Variants in MAPKAP1 observed in about 807,000 individuals in gnomAD.
The protein encoded by MAPKAP1 is MAPK associated protein 1, also known as target of rapamycin complex 2 subunit MAPKAP1.
In MAPKAP1, 20 loss-of-function variants were observed where a neutral mutation model predicts 65.7. That is an observed-to-expected ratio of 0.30 (90% CI 0.21 to 0.44). MAPKAP1 has a LOEUF of 0.44. Among genes scored for constraint, MAPKAP1 ranks in the 20% least tolerant of loss-of-function variants. The probability of loss-of-function intolerance (pLI) is 1.00; values close to 1 mark genes in which losing one functional copy is unlikely to be tolerated. For missense variants in MAPKAP1, 423 were observed against 648.0 expected, an observed-to-expected ratio of 0.65 and a Z score of 3.77; for synonymous variants, 222 against 244.3, an observed-to-expected ratio of 0.91 and a Z score of 0.85.
intron 7 of MAPKAP1, among the ~76,000 whole-genome samples, chr9:125,540,600 G>C (rs969997076): frequency 6.6e-6 from 1 of 152,186 alleles, no homozygotes; most frequent in Non-Finnish European, 1.5e-5. Context: ...GGGGTTTGAC[G>C]ACAGGGATGA....
intron 8 of MAPKAP1, among the ~76,000 whole-genome samples, chr9:125,496,199 A>G (rs958207821): frequency 6.6e-6 from 1 of 152,232 alleles, no homozygotes; most frequent in Non-Finnish European, 1.5e-5. Context: ...CACATTAACC[A>G]GAGAGGAAGA....
chr9:125,468,579 G>T (rs1853772854), intron 9 of MAPKAP1, among the ~76,000 whole-genome samples: 2 of 152,216 alleles, frequency 1.3e-5, no homozygotes, highest in Admixed American at 6.5e-5. Context: ...AGCTACCAAT[G>T]AACAGCTTCT....
rs1269892685 is a variant in MAPKAP1, at chr9:125,447,783, AG to A, written c.1346-3186del. Among the ~76,000 whole-genome samples, 8 of 152,190 alleles carry A rather than the reference AG, an allele frequency of 5.3e-5. No individual in the cohort carries two copies. Among genetic ancestry groups the A allele is most frequent in the African/African-American group, 1.9e-4 (8 of 41,438 alleles). The stretch of plus-strand genomic sequence containing the variant: ...TGGCCAGAGGTGGAGAAGAGCCACT[AG>A]GGACAGTTTCTTGGGAGGAGCTGAC... On this transcript the variant is annotated intron_variant, in intron 10 of 11. Transcript: ENST00000265960. The surrounding 1 kb of genome is among the most constrained non-coding windows in gnomAD (Gnocchi z 4.5).
intron 9 of MAPKAP1, among the ~76,000 whole-genome samples, chr9:125,481,690 G>A (rs1371139696): frequency 1.3e-5 from 2 of 152,054 alleles, no homozygotes; most frequent in African/African-American, 4.8e-5. Flanking sequence ...CCAAAGTGCT[G>A]GGATTACAGA....
At chr9:125,500,485 G>A (rs112135875) in intron 8 of MAPKAP1, among the ~76,000 whole-genome samples, 6 of 152,154 alleles carry the variant, frequency 3.9e-5, no homozygotes, top group Admixed American at 2.0e-4. Context: ...GAGCCATCAC[G>A]CCGGCCCCCA....
intron 6 of MAPKAP1, 41 bp from the exon 7 acceptor site, chr9:125,543,209 TCCA>T: frequency 7.3e-7 from 1 of 1,364,616 alleles, no homozygotes. Context: ...CCAACATTCA[TCCA>T]GAGAGATGTT....
At chr9:125,536,314 C>G (rs1390147209) in intron 7 of MAPKAP1, among the ~76,000 whole-genome samples, 1 of 152,142 alleles carries the variant, frequency 6.6e-6, no homozygotes, top group East Asian at 1.9e-4. Context: ...GATAAAGAGG[C>G]AGAGAAAGGA....
intron 4 of MAPKAP1, among the ~76,000 whole-genome samples, chr9:125,613,784 C>T (rs569342905): frequency 7.2e-5 from 11 of 151,874 alleles, no homozygotes; most frequent in Non-Finnish European, 1.3e-4. Context: ...TTTAACCTTA[C>T]TGAAAAAGAG....
intron 5 of MAPKAP1, among the ~76,000 whole-genome samples, chr9:125,566,480 C>T (rs1229604949): frequency 6.6e-6 from 1 of 152,058 alleles, no homozygotes; most frequent in African/African-American, 2.4e-5. Context: ...GCGAGGATAG[C>T]TTGAGCCTGG....
Position 125,599,259 on chromosome 9 carries a change from CTT to C in MAPKAP1, c.499-13534_499-13533del, listed in dbSNP as rs1832232814. On this transcript the variant is annotated intron_variant, in intron 4 of 11. Coordinates refer to ENST00000265960, the MANE Select transcript of MAPKAP1 (RefSeq NM_001006617.3). ...AACAAATGATTGTCTTACAACCTCT[CTT>C]GAACACCTTCACTGATGATGTCCCT... Among the ~76,000 whole-genome samples, 2 of 152,176 alleles carry C rather than the reference CTT, an allele frequency of 1.3e-5. 1 individual carries two copies. Among genetic ancestry groups the C allele is most frequent in the South Asian group, 4.1e-4 (2 of 4,834 alleles).
chr9:125,700,751 T>C (rs1835570817), intron 1 of MAPKAP1, among the ~76,000 whole-genome samples: 1 of 152,218 alleles, frequency 6.6e-6, no homozygotes, highest in Non-Finnish European at 1.5e-5. Context: ...CCTTATACAA[T>C]AGAGTATGAA....
chr9:125,658,411 T>C (rs1020710144), intron 3 of MAPKAP1, among the ~76,000 whole-genome samples: 6 of 152,240 alleles, frequency 3.9e-5, no homozygotes, highest in Non-Finnish European at 8.8e-5. Context: ...CTAACATTTA[T>C]TTAGCAAGTC....
At chr9:125,557,914 T>C (rs1289743254) in intron 6 of MAPKAP1, among the ~76,000 whole-genome samples, 2 of 152,170 alleles carry the variant, frequency 1.3e-5, no homozygotes, top group African/African-American at 2.4e-5. Flanking sequence ...TGGAGTGCAA[T>C]GGCGCGATCT....
intron 2 of MAPKAP1, 42 bp downstream of exon 2, chr9:125,672,274 T>A (rs1239507571): frequency 6.2e-7 from 1 of 1,604,272 alleles, no homozygotes; most frequent in East Asian, 2.2e-5. Context: ...GACTGTTTAC[T>A]GATTTAAAGC....
intron 4 of MAPKAP1, among the ~76,000 whole-genome samples, chr9:125,619,491 T>C (rs1423977405): frequency 6.7e-6 from 1 of 149,700 alleles, no homozygotes; most frequent in East Asian, 1.9e-4. Context: ...AAAAAAAAAC[T>C]GCGTTTTATT....
intron 7 of MAPKAP1, among the ~76,000 whole-genome samples, chr9:125,539,933 T>C (rs576721938): frequency 1.4e-4 from 21 of 152,308 alleles, no homozygotes; most frequent in African/African-American, 4.3e-4. Context: ...TAGCAGAGAA[T>C]TGACTGAAAC....
intron 4 of MAPKAP1, among the ~76,000 whole-genome samples, chr9:125,654,174 G>T (rs981279851): frequency 6.6e-6 from 1 of 152,088 alleles, no homozygotes; most frequent in African/African-American, 2.4e-5. Flanking sequence ...CCCACTCCCC[G>T]ATCACCTCAA....
At chr9:125,474,679 C>T (rs746029608) in intron 9 of MAPKAP1, among the ~76,000 whole-genome samples, 2 of 152,100 alleles carry the variant, frequency 1.3e-5, no homozygotes, top group Non-Finnish European at 2.9e-5. Context: ...TCTTAAAATA[C>T]CCCCTTAAAA....
At chr9:125,642,831 G>A (rs1833617232) in intron 4 of MAPKAP1, among the ~76,000 whole-genome samples, 1 of 152,066 alleles carries the variant, frequency 6.6e-6, no homozygotes, top group South Asian at 2.1e-4. Flanking sequence ...GGTTGGGGTG[G>A]AGGTCCCACC....
Sources: allele counts gnomAD v4.1 joint callset (sites outside exome capture counted in the v4.1 genomes callset), GRCh38; gene constraint gnomAD v4.1.1; non-coding constraint Gnocchi (gnomAD v3.1); transcripts MANE v1.5; gene names NCBI Gene and HGNC (gene_info 2026-07-23, HGNC 2026-07-21).